Variants in AFF1 observed in about 807,000 individuals in gnomAD.
The protein encoded by AFF1 is ALF transcription elongation factor 1.
In AFF1, 48 loss-of-function variants were observed where a neutral mutation model predicts 121.7. The observed-to-expected ratio is 0.39, with a 90% confidence interval of 0.31 to 0.50. The LOEUF is 0.50. AFF1 is among the 20% of genes least tolerant of loss of function. AFF1 has a pLI of 0.76. For synonymous variants in AFF1, 613 were observed against 563.0 expected (o/e 1.09, Z -1.26); for missense variants, 1,523 against 1,511.7 (o/e 1.01, Z -0.12).
intron 2 of AFF1, among the ~76,000 whole-genome samples, chr4:87,034,463 A>G (rs1339062016): frequency 1.3e-5 from 2 of 152,184 alleles, no homozygotes; most frequent in African/African-American, 4.8e-5. Flanking sequence ...CCCATGATGT[A>G]TTTATAGCAG....
rs1271262661 is a variant in AFF1 at position 86,983,731 on chromosome 4, A to AG, written c.38+35160_38+35161insG. Reference sequence around the variant, plus strand: ...CTCAAATGAAAAACCAAAAAAAAAAACAAAAAACAAATAAAATACTTTGTC... The same window carrying AG: ...CTCAAATGAAAAACCAAAAAAAAAAAGCAAAAAACAAATAAAATACTTTGTC... On this transcript the variant is annotated intron_variant, in intron 2 of 20. Coordinates refer to ENST00000395146, the MANE Select transcript of AFF1 (RefSeq NM_001166693.3). Among the ~76,000 whole-genome samples, 5 of 144,658 alleles carry AG rather than the reference A, an allele frequency of 3.5e-5. No individual in the cohort carries two copies. The South Asian group carries it at 8.8e-4, about 25-fold the overall frequency. 94.9% of individuals were successfully genotyped at this position (144,658 alleles called of 152,430 possible).
chr4:87,048,804 TAAG>T (rs1578143530), intron 4 of AFF1, among the ~76,000 whole-genome samples: 1 of 152,020 alleles, frequency 6.6e-6, no homozygotes, highest in African/African-American at 2.4e-5. Context: ...CAAGGAAAAA[TAAG>T]AAAGAAGGAG....
rs1729253290 is a variant in AFF1 at position 87,135,765 on chromosome 4, G to A, written c.*64G>A. The A allele has an allele frequency of 2.1e-5, 32 of 1,536,498 alleles. No homozygotes were observed. The highest frequency in any genetic ancestry group is 2.5e-5 in the Non-Finnish European group (29 of 1,140,010). ...TTGCACATTGGAAGCCTCAAAAACA[G>A]TCCAGACATTTGTTTCATCAGGACA... On this transcript the variant is annotated 3_prime_UTR_variant, in exon 21 of 21. Transcript: ENST00000395146.
At chr4:87,103,371 A>G (rs1725616961) in intron 8 of AFF1, among the ~76,000 whole-genome samples, 1 of 152,250 alleles carries the variant, frequency 6.6e-6, no homozygotes, top group African/African-American at 2.4e-5. Flanking sequence ...TATCAAATAA[A>G]TTATACTCAC....
At chr4:87,070,330 G>C (rs1300065699) in intron 4 of AFF1, among the ~76,000 whole-genome samples, 1 of 152,142 alleles carries the variant, frequency 6.6e-6, no homozygotes, top group Non-Finnish European at 1.5e-5. Flanking sequence ...GTAGAGACTG[G>C]GTTTCACCAT....
intron 8 of AFF1, among the ~76,000 whole-genome samples, chr4:87,104,158 G>A (rs1386522754): frequency 1.3e-5 from 2 of 152,174 alleles, no homozygotes; most frequent in African/African-American, 2.4e-5. Context: ...TGTAACCCCA[G>A]CAGTTTAGGA....
At chr4:86,942,327 C>T (rs1720524272) in intron 1 of AFF1, among the ~76,000 whole-genome samples, 1 of 152,146 alleles carries the variant, frequency 6.6e-6, no homozygotes, top group African/African-American at 2.4e-5. Flanking sequence ...TCTGTGTTTC[C>T]TAGCTTCTTT....
intron 12 of AFF1, among the ~76,000 whole-genome samples, chr4:87,120,155 A>G (rs1727534584): frequency 6.6e-6 from 1 of 152,228 alleles, no homozygotes; most frequent in Non-Finnish European, 1.5e-5. Flanking sequence ...AAACAAGTGG[A>G]TGAATTTCCC....
At chr4:87,111,012 A>ATTTTATTTATTT (rs1344382644) in intron 11 of AFF1, among the ~76,000 whole-genome samples, 1 of 29,276 alleles carries the variant, frequency 3.4e-5, no homozygotes, top group African/African-American at 8.9e-5. Context: ...TTTTTTTTTT[A>ATTTTATTTATTT]TTTTTTTTTT....
chr4:87,034,851 TCAG>T (rs10561887), intron 2 of AFF1, among the ~76,000 whole-genome samples: 6,406 of 152,274 alleles, frequency 0.042, 429 homozygotes, highest in African/African-American at 0.15. Flanking sequence ...CTGGCAGAAT[TCAG>T]CAGAATTCTG....
rs1414790923 is a variant in AFF1, at chr4:86,949,824, C to T, written c.38+1253C>T. 26 of 1,613,830 alleles carry T rather than the reference C, an allele frequency of 1.6e-5. No homozygotes were observed. The Admixed American group carries it at 3.0e-4, about 19-fold the overall frequency. ...AGACACTGCGTCATGATGGCGAAAC[C>T]GATCCAGGACCCCACCTCGTAGGTG... On this transcript the variant is annotated intron_variant, in intron 2 of 20. Transcript: ENST00000395146.
At chr4:87,112,227 T>C (rs1396410349) in intron 11 of AFF1, among the ~76,000 whole-genome samples, 2 of 152,234 alleles carry the variant, frequency 1.3e-5, no homozygotes. Context: ...TGTGCTAATC[T>C]TTTCTCTACT....
chr4:86,985,214 T>TATATATATATATATATATATATATAA (rs1277485096), intron 2 of AFF1, among the ~76,000 whole-genome samples: 1 of 104,544 alleles, frequency 9.6e-6, no homozygotes, highest in African/African-American at 3.3e-5. Flanking sequence ...TATATATATA[T>TATATATATATATATATATATATATAA]AAAATTATAT....
At chr4:87,124,966 A>G (rs552321981) in intron 12 of AFF1, 71 bp from the exon 13 acceptor site, 15 of 1,332,120 alleles carry the variant, frequency 1.1e-5, no homozygotes, top group African/African-American at 3.0e-5. Context: ...TGCCTTTTCT[A>G]TATTTTCTTT....
At position 87,105,839 on chromosome 4, in the gene AFF1, C is replaced by T. The variant is rs1264352747; in HGVS notation, c.1370C>T (p.Pro457Leu). 1 of 1,614,110 alleles carries T rather than the reference C, an allele frequency of 6.2e-7. No homozygotes were observed. The highest frequency in any genetic ancestry group is 8.5e-7 in the Non-Finnish European group (1 of 1,180,002). The part of the protein sequence containing the change: ...TPEKPPSSSA[P>L]PSAPQSLPEP... ...GAGAAGCCTCCCTCCTCATCTGCAC[C>T]TCCAAGGTACCGTGTGGGTTTCTCC... Residue 457 changes from proline (P) to leucine (L), a missense_variant, in exon 10 of 21, where the codon CCT becomes CTT. By Grantham distance (98) the Pro-to-Leu change is moderately conservative. Transcript: ENST00000395146.
At chr4:87,007,401 C>T (rs1440118491) in intron 2 of AFF1, 3 of 1,614,068 alleles carry the variant, frequency 1.9e-6, no homozygotes, top group Non-Finnish European at 2.5e-6. Context: ...GCTCTATAAG[C>T]TGAATTATGG....
rs1729262323 is a variant in AFF1, at chr4:87,135,885, A to T, written c.*184A>T. 3 of 960,016 alleles carry T rather than the reference A, an allele frequency of 3.1e-6. No individual in the cohort carries two copies. The highest frequency in any genetic ancestry group is 3.4e-5 in the African/African-American group (2 of 59,590). The allele number at this position is 960,016 out of a possible 1,614,324, so 59.5% of individuals were successfully genotyped here. A position where few individuals can be genotyped will look rare whatever the true frequency, so the allele number is the denominator to read the frequency against. ...TGATCATTGGTTGGACACTGTGGTTATGCAGAAGCAGAGATGAGGAGGCTG... is the reference window on the plus strand; with the variant it reads ...TGATCATTGGTTGGACACTGTGGTTTTGCAGAAGCAGAGATGAGGAGGCTG... On this transcript the variant is annotated 3_prime_UTR_variant, in exon 21 of 21. Transcript: ENST00000395146.
rs943088490 is a variant in AFF1 at position 87,139,640 on chromosome 4, G to A, written c.*3939G>A. The A allele has an allele frequency of 1.3e-5, 3 of 229,534 alleles. No individual in the cohort carries two copies. Among genetic ancestry groups the A allele is most frequent in the Non-Finnish European group, 2.6e-5 (3 of 115,752 alleles). The allele number at this position is 229,534 out of a possible 1,614,324, so 14.2% of individuals were successfully genotyped here. A position where few individuals can be genotyped will look rare whatever the true frequency, so the allele number is the denominator to read the frequency against. On this transcript the variant is annotated 3_prime_UTR_variant, in exon 21 of 21. Transcript: ENST00000395146. ...ACCTTTTTTCCCCTCCTGTTCTTGA[G>A]CCAGTTGTCTCTTTTGTTTTGGGTC... is the stretch of plus-strand genomic sequence containing the variant.
Position 86,960,150 on chromosome 4 carries a change from A to T in AFF1, c.38+11579A>T, listed in dbSNP as rs181063297. On this transcript the variant is annotated intron_variant, in intron 2 of 20. Transcript: ENST00000395146. ...AAAACAGGGTTTCCTAGTGGTGAGC[A>T]TGGGGCTGCTCTTCGTTTGAATTTT... Among the ~76,000 whole-genome samples the T allele has an allele frequency of 1.1e-4, 17 of 152,206 alleles. No homozygotes were observed. The East Asian group carries it at 2.7e-3, about 24-fold the overall frequency.
Sources: allele counts gnomAD v4.1 joint callset (sites outside exome capture counted in the v4.1 genomes callset), GRCh38; gene constraint gnomAD v4.1.1; transcripts MANE v1.5; gene names NCBI Gene and HGNC (gene_info 2026-07-23, HGNC 2026-07-21).